Variants in FOXN2 observed in about 807,000 individuals in gnomAD.
FOXN2 encodes forkhead box protein N2.
Under a neutral mutation model 41.2 loss-of-function variants are expected in FOXN2, and 19 were observed. That is an observed-to-expected ratio of 0.46 (90% CI 0.32 to 0.68). FOXN2 has a LOEUF of 0.68. Ranked by LOEUF, FOXN2 falls within the 30% of genes least tolerant of loss-of-function variation. FOXN2 has a pLI of 0.03. For synonymous variants in FOXN2, 195 were observed against 176.8 expected (o/e 1.10, Z -0.82); for missense variants, 587 against 509.4 (o/e 1.15, Z -1.47).
intron 2 of FOXN2, among the ~76,000 whole-genome samples, chr2:48,331,343 C>T (rs1040398282): frequency 1.3e-5 from 2 of 151,850 alleles, no homozygotes; most frequent in African/African-American, 4.8e-5. Context: ...ACTCTAAGAA[C>T]TATAGTATAG....
chr2:48,355,874 T>C (rs906756447), intron 3 of FOXN2, among the ~76,000 whole-genome samples: 1 of 152,222 alleles, frequency 6.6e-6, no homozygotes, highest in Non-Finnish European at 1.5e-5. Context: ...CCTGGTTTGG[T>C]ATTTATTTGT....
intron 1 of FOXN2, among the ~76,000 whole-genome samples, chr2:48,319,897 G>A (rs887131286): frequency 4.1e-5 from 6 of 147,636 alleles, no homozygotes; most frequent in South Asian, 4.2e-4. Context: ...CTCCCAAAGC[G>A]CTGGGATTTT....
At chr2:48,360,776 C>T (rs570378496) in intron 4 of FOXN2, among the ~76,000 whole-genome samples, 174 of 147,766 alleles carry the variant, frequency 1.2e-3, no homozygotes, top group African/African-American at 4.1e-3. Context: ...ATGTGTTTTA[C>T]TTAGCTGTGT....
intron 2 of FOXN2, among the ~76,000 whole-genome samples, chr2:48,333,281 T>G (rs114252098): frequency 0.013 from 1,974 of 152,248 alleles, 18 homozygotes; most frequent in Non-Finnish European, 0.019. Context: ...TCTCTACCTT[T>G]TATCTACATT....
At chr2:48,373,382 A>T (rs755380563) in intron 6 of FOXN2, 22 bp downstream of exon 6, 67 of 1,432,724 alleles carry the variant, frequency 4.7e-5, no homozygotes, top group Middle Eastern at 1.8e-4. Flanking sequence ...TGCCTTTTTT[A>T]AAAAAAAATT....
intron 1 of FOXN2, among the ~76,000 whole-genome samples, chr2:48,316,672 G>A (rs1180897046): frequency 2.0e-5 from 3 of 152,200 alleles, no homozygotes; most frequent in African/African-American, 7.2e-5. Flanking sequence ...GAAGGTCAAA[G>A]AGTTGAAGAT....
At position 48,342,877 on chromosome 2, in the gene FOXN2, G is replaced by A. The variant is rs1208680079; in HGVS notation, c.-14-3324G>A. 7.2e-5 allele frequency among the ~76,000 whole-genome samples: 11 copies of A among 152,100 alleles called. 1 individual carries two copies. Among genetic ancestry groups the A allele is most frequent in the Admixed American group, 5.9e-4 (9 of 15,256 alleles). On this transcript the variant is annotated intron_variant, in intron 2 of 6. Coordinates refer to ENST00000340553, the MANE Select transcript of FOXN2 (RefSeq NM_002158.4). ...AATACTTGGTTTTTAAACTTTGCTTGGATTAACACTCTGTAACTCTTTGGC... is the reference window on the plus strand; with the variant it reads ...AATACTTGGTTTTTAAACTTTGCTTAGATTAACACTCTGTAACTCTTTGGC...
At chr2:48,344,943 T>C (rs1671003726) in intron 2 of FOXN2, among the ~76,000 whole-genome samples, 1 of 151,576 alleles carries the variant, frequency 6.6e-6, no homozygotes, top group East Asian at 1.9e-4. Context: ...TTATGAGCCA[T>C]TGAAAATTAA....
At chr2:48,371,637 C>T (rs763131101) in intron 5 of FOXN2, among the ~76,000 whole-genome samples, 6 of 151,950 alleles carry the variant, frequency 3.9e-5, no homozygotes, top group African/African-American at 1.2e-4. Flanking sequence ...TTTATATTTC[C>T]GTGAAGGATA....
intron 5 of FOXN2, among the ~76,000 whole-genome samples, 181 bp from the exon 6 acceptor site, chr2:48,373,111 A>T (rs909679762): frequency 5.3e-5 from 8 of 152,138 alleles, no homozygotes; most frequent in Admixed American, 1.3e-4. Flanking sequence ...TCGTGATTTT[A>T]AGTGAACAAA....
rs1487866666 is a variant in FOXN2, at chr2:48,379,056, C to G, written c.*3613C>G. Reference sequence around the variant, plus strand: ...TTTGTTATCAAACTGTTTCCTTATCCTCTTTTCTGATGTAGCATAAAAATT... The same window carrying G: ...TTTGTTATCAAACTGTTTCCTTATCGTCTTTTCTGATGTAGCATAAAAATT... On this transcript the variant is annotated 3_prime_UTR_variant, in exon 7 of 7. Transcript: ENST00000340553. The G allele has an allele frequency of 6.6e-6, 1 of 152,412 alleles. No individual in the cohort carries two copies. The highest frequency in any genetic ancestry group is 1.9e-4 in the East Asian group (1 of 5,202). 9.4% of individuals were successfully genotyped at this position (152,412 alleles called of 1,614,324 possible). A position where few individuals can be genotyped will look rare whatever the true frequency, so the allele number is the denominator to read the frequency against.
At chr2:48,335,843 C>T (rs953453431) in intron 2 of FOXN2, among the ~76,000 whole-genome samples, 10 of 150,542 alleles carry the variant, frequency 6.6e-5, no homozygotes, top group African/African-American at 9.8e-5. Context: ...CTGGTGAACA[C>T]GGCGAAACCC....
At chr2:48,320,900 A>G (rs1669270622) in intron 1 of FOXN2, among the ~76,000 whole-genome samples, 1 of 152,092 alleles carries the variant, frequency 6.6e-6, no homozygotes, top group Admixed American at 6.5e-5. Context: ...AAGTGGTATT[A>G]TTTCCTGGGA....
chr2:48,353,083 A>G (rs1333007954), intron 3 of FOXN2, among the ~76,000 whole-genome samples: 1 of 152,172 alleles, frequency 6.6e-6, no homozygotes. Context: ...GACTTGGTAA[A>G]GTTAGACTCT....
intron 3 of FOXN2, among the ~76,000 whole-genome samples, chr2:48,349,691 C>G (rs1434361532): frequency 6.6e-6 from 1 of 152,082 alleles, no homozygotes; most frequent in Non-Finnish European, 1.5e-5. Flanking sequence ...AGGAGAATTG[C>G]TTGAACCTGT....
chr2:48,366,282 T>C (rs1344433895), intron 5 of FOXN2, among the ~76,000 whole-genome samples: 1 of 151,300 alleles, frequency 6.6e-6, no homozygotes, highest in South Asian at 2.1e-4. Context: ...TCACTTGAAC[T>C]TGGGAGGTGG....
chr2:48,332,681 A>T (rs1429980830), intron 2 of FOXN2, among the ~76,000 whole-genome samples: 1 of 152,204 alleles, frequency 6.6e-6, no homozygotes, highest in Non-Finnish European at 1.5e-5. Flanking sequence ...CATCTACTTT[A>T]GGAAGAAAGC....
Position 48,346,477 on chromosome 2 carries a change from TAGAGGG to T in FOXN2, c.267_272del (p.Glu89_Gly90del). 6.2e-7 allele frequency: 1 copy of T among 1,614,108 alleles called. No individual in the cohort carries two copies. Among genetic ancestry groups the T allele is most frequent in the African/African-American group, 1.3e-5 (1 of 75,026 alleles). ...CCAATTGTTAGTCCATTGTATGACA[TAGAGGG>T]AGATGATGTGCCATCCTTTGGACCA... On this transcript the variant is annotated inframe_deletion, in exon 3 of 7. Coordinates refer to ENST00000340553, the MANE Select transcript of FOXN2 (RefSeq NM_002158.4).
At position 48,378,901 on chromosome 2, in the gene FOXN2, T is replaced by G. The variant is rs1673408788; in HGVS notation, c.*3458T>G. Reference sequence around the variant, plus strand: ...TTTTAAATCGTTGTACATTTCTTATTAAACTAAGTGCTTAATTTTAAAGTA... The same window carrying G: ...TTTTAAATCGTTGTACATTTCTTATGAAACTAAGTGCTTAATTTTAAAGTA... On this transcript the variant is annotated 3_prime_UTR_variant, in exon 7 of 7. Coordinates refer to ENST00000340553, the MANE Select transcript of FOXN2 (RefSeq NM_002158.4). 1 of 152,608 alleles carries G rather than the reference T, an allele frequency of 6.6e-6. No homozygotes were observed. The highest frequency in any genetic ancestry group is 1.5e-5 in the Non-Finnish European group (1 of 67,998). 9.5% of individuals were successfully genotyped at this position (152,608 alleles called of 1,614,324 possible). A position where few individuals can be genotyped will look rare whatever the true frequency, so the allele number is the denominator to read the frequency against.
Sources: allele counts gnomAD v4.1 joint callset (sites outside exome capture counted in the v4.1 genomes callset), GRCh38; gene constraint gnomAD v4.1.1; transcripts MANE v1.5; gene names NCBI Gene and HGNC (gene_info 2026-07-23, HGNC 2026-07-21).